The following GABRG2 variants were observed in gnomAD, a reference collection of about 807,000 sequenced individuals.
GABRG2 encodes the protein gamma-aminobutyric acid receptor subunit gamma-2.
A neutral mutation model predicts 56.4 loss-of-function variants in GABRG2; 16 were observed. The observed-to-expected ratio is 0.28, with a 90% CI of 0.19 to 0.43. GABRG2 has a LOEUF of 0.43. GABRG2 is among the 20% of genes least tolerant of loss of function. GABRG2 has a pLI of 1.00. For synonymous variants in GABRG2, 208 were observed against 205.5 expected, an observed-to-expected ratio of 1.01 and a Z score of -0.10; for missense variants, 327 against 582.7, an observed-to-expected ratio of 0.56 and a Z score of 4.52.
intron 3 of GABRG2, among the ~76,000 whole-genome samples, chr5:162,096,720 G>A (rs991342171): frequency 1.1e-4 from 17 of 151,802 alleles, no homozygotes; most frequent in African/African-American, 3.9e-4. Flanking sequence ...AGGCCTAATG[G>A]TCTGAATTTC....
At chr5:162,147,380 T>C (rs1765042039) in intron 7 of GABRG2, among the ~76,000 whole-genome samples, 1 of 151,838 alleles carries the variant, frequency 6.6e-6, no homozygotes, top group African/African-American at 2.4e-5. Flanking sequence ...TGTCTTTCTT[T>C]TTGACAGAGT....
intron 6 of GABRG2, among the ~76,000 whole-genome samples, chr5:162,141,876 T>C (rs1181606238): frequency 6.6e-6 from 1 of 152,052 alleles, no homozygotes; most frequent in African/African-American, 2.4e-5. Flanking sequence ...GTTTGTGAAG[T>C]AGGAAGAAAG....
intron 4 of GABRG2, chr5:162,098,925 T>A (rs994010095): frequency 3.3e-5 from 5 of 152,178 alleles, no homozygotes; most frequent in African/African-American, 1.2e-4. Flanking sequence ...CAGATATAGT[T>A]CTTCTGACCT....
chr5:162,114,555 AT>A (rs1427311048), intron 6 of GABRG2, among the ~76,000 whole-genome samples: 1 of 152,134 alleles, frequency 6.6e-6, no homozygotes, highest in African/African-American at 2.4e-5. Flanking sequence ...AAATAAATAA[AT>A]AAGATAAATA....
At chr5:162,131,215 A>G (rs1458368681) in intron 6 of GABRG2, among the ~76,000 whole-genome samples, 1 of 152,032 alleles carries the variant, frequency 6.6e-6, no homozygotes, top group African/African-American at 2.4e-5. Context: ...TATGTGTACT[A>G]TAGACTATAG....
chr5:162,114,871 C>A (rs1271815783), intron 6 of GABRG2, among the ~76,000 whole-genome samples: 1 of 152,154 alleles, frequency 6.6e-6, no homozygotes, highest in Non-Finnish European at 1.5e-5. Context: ...GTAGTCTTCA[C>A]CGTCTTTTAG....
chr5:162,069,957 T>C (rs914104268), intron 1 of GABRG2, among the ~76,000 whole-genome samples: 7 of 152,154 alleles, frequency 4.6e-5, no homozygotes, highest in Admixed American at 2.0e-4. Flanking sequence ...TCTTTTTGAC[T>C]CATCTCCATC....
intron 6 of GABRG2, among the ~76,000 whole-genome samples, chr5:162,136,880 A>G (rs541574297): frequency 7.9e-5 from 12 of 152,342 alleles, no homozygotes; most frequent in African/African-American, 2.6e-4. Flanking sequence ...TTGTGCCATT[A>G]TGCAGCAGTG....
At chr5:162,128,344 A>G (rs979390655) in intron 6 of GABRG2, 4 of 151,992 alleles carry the variant, frequency 2.6e-5, no homozygotes, top group Non-Finnish European at 4.4e-5. Context: ...CTGGAGGCAG[A>G]GAGACACTGT....
chr5:162,118,369 C>G (rs1337514648), intron 6 of GABRG2, among the ~76,000 whole-genome samples: 1 of 152,002 alleles, frequency 6.6e-6, no homozygotes, highest in East Asian at 1.9e-4. Context: ...CCTAATATGT[C>G]TAGTTTTCTT....
At chr5:162,109,764 C>T (rs895596852) in intron 6 of GABRG2, among the ~76,000 whole-genome samples, 2 of 151,966 alleles carry the variant, frequency 1.3e-5, no homozygotes, top group African/African-American at 4.8e-5. Flanking sequence ...TTCTTTTTGT[C>T]ATGTTGCCAC....
intron 7 of GABRG2, chr5:162,142,577 T>C (rs1178013391): frequency 3.4e-5 from 13 of 382,466 alleles, no homozygotes; most frequent in Non-Finnish European, 1.0e-5. Context: ...CCATAAAAAA[T>C]GATGAGTTCA....
chr5:162,113,006 G>T (rs1762363240), intron 6 of GABRG2, among the ~76,000 whole-genome samples: 1 of 152,000 alleles, frequency 6.6e-6, no homozygotes, highest in Non-Finnish European at 1.5e-5. Context: ...AGGCCGGAGT[G>T]CAGTGGTGAG....
chr5:162,122,309 GCCTC>G (rs1763030199), intron 6 of GABRG2, among the ~76,000 whole-genome samples: 1 of 151,784 alleles, frequency 6.6e-6, no homozygotes, highest in Admixed American at 6.6e-5. Context: ...TATGAGTTAG[GCCTC>G]TGCTGCGGTG....
At chr5:162,071,943 C>T (rs986566083) in intron 1 of GABRG2, among the ~76,000 whole-genome samples, 2 of 151,664 alleles carry the variant, frequency 1.3e-5, no homozygotes, top group South Asian at 2.1e-4. Context: ...AAAAACAGAA[C>T]GTAAATACTC....
At chr5:162,077,960 C>T (rs572511856) in intron 1 of GABRG2, among the ~76,000 whole-genome samples, 2 of 152,036 alleles carry the variant, frequency 1.3e-5, no homozygotes, top group Admixed American at 1.3e-4. Context: ...GGAGAGAGGG[C>T]TTTCAAGATG....
chr5:162,103,799 CT>C (rs1761609346), intron 5 of GABRG2, 89 bp from the exon 6 acceptor site: 1 of 1,406,554 alleles, frequency 7.1e-7, no homozygotes, highest in Non-Finnish European at 1.0e-6. Context: ...CTTTCTCAGT[CT>C]TTACCTCAGT....
chr5:162,080,308 A>G (rs972463695), intron 1 of GABRG2, among the ~76,000 whole-genome samples: 21 of 152,134 alleles, frequency 1.4e-4, no homozygotes, highest in African/African-American at 4.3e-4. Flanking sequence ...CTTTGCATAT[A>G]CTGGCCAGGG....
chr5:162,140,335 G>C lies in GABRG2; in HGVS notation c.770-1829G>C, dbSNP rs181129549. 1.6e-3 allele frequency among the ~76,000 whole-genome samples: 240 copies of C among 152,288 alleles called. 1 individual carries two copies. The highest frequency in any genetic ancestry group is 3.4e-3 in the Middle Eastern group (1 of 294). On this transcript the variant is annotated intron_variant, in intron 6 of 9. Transcript: ENST00000639213. ...CCAATCTAACAAAAGGCAGTGTTAAGAGGCATTCAAAACCCCACTTAGGAA... is the reference window on the plus strand; with the variant it reads ...CCAATCTAACAAAAGGCAGTGTTAACAGGCATTCAAAACCCCACTTAGGAA...
Sources: gnomAD v4.1 joint callset for allele counts (sites outside exome capture counted in the v4.1 genomes callset) on GRCh38, gnomAD v4.1.1 for gene constraint, MANE v1.5 for transcripts, NCBI Gene and HGNC (gene_info 2026-07-23, HGNC 2026-07-21) for gene names.